Variants in TSGA10 observed in about 807,000 individuals in gnomAD.
The protein encoded by TSGA10 is testis specific 10, also known as testis-specific gene 10 protein.
Under a neutral mutation model 96.6 loss-of-function variants are expected in TSGA10, and 43 were observed. The ratio of observed to expected loss-of-function variants is 0.44; its 90% CI spans 0.35 to 0.57. The LOEUF is 0.57. Among genes scored for constraint, TSGA10 ranks in the 20% least tolerant of loss-of-function variants. The pLI is 0.01. For missense variants in TSGA10, 703 were observed against 834.4 expected, an observed-to-expected ratio of 0.84 and a Z score of 1.94; for synonymous variants, 229 against 269.9, an observed-to-expected ratio of 0.85 and a Z score of 1.48.
At chr2:99,042,891 G>A (rs908765170) in intron 16 of TSGA10, among the ~76,000 whole-genome samples, 16 of 151,874 alleles carry the variant, frequency 1.1e-4, no homozygotes, top group African/African-American at 3.6e-4. Flanking sequence ...TAGATACAGG[G>A]TTTCACCATG....
intron 20 of TSGA10, among the ~76,000 whole-genome samples, chr2:99,002,104 G>A (rs1376600944): frequency 6.6e-6 from 1 of 152,186 alleles, no homozygotes; most frequent in Non-Finnish European, 1.5e-5. Context: ...TAGCAAGGCA[G>A]GCCGACATTC....
chr2:99,055,181 A>G (rs1301714370), intron 16 of TSGA10, among the ~76,000 whole-genome samples: 2 of 152,198 alleles, frequency 1.3e-5, no homozygotes, highest in Non-Finnish European at 2.9e-5. Context: ...TCAGCCTTAA[A>G]AACAAAGAAA....
intron 17 of TSGA10, among the ~76,000 whole-genome samples, chr2:99,033,340 T>C (rs75070294): frequency 0.045 from 6,783 of 152,232 alleles, 319 homozygotes; most frequent in East Asian, 0.21. Flanking sequence ...TATACAGAAG[T>C]GAGATGACTT....
intron 17 of TSGA10, among the ~76,000 whole-genome samples, chr2:99,023,906 T>G (rs1372205017): frequency 6.6e-6 from 1 of 152,206 alleles, no homozygotes; most frequent in African/African-American, 2.4e-5. Flanking sequence ...TTAGATCAGT[T>G]TGACAATTTC....
intron 1 of TSGA10, among the ~76,000 whole-genome samples, chr2:99,132,290 C>T (rs2093129114): frequency 6.6e-6 from 1 of 151,834 alleles, no homozygotes; most frequent in Non-Finnish European, 1.5e-5. Context: ...TTAATTACTG[C>T]CTCAATTTCA....
chr2:99,019,098 A>G (rs781034902), intron 18 of TSGA10, among the ~76,000 whole-genome samples: 1 of 152,178 alleles, frequency 6.6e-6, no homozygotes, highest in African/African-American at 2.4e-5. Context: ...ACAATCTTCA[A>G]TTTAATAGAA....
intron 13 of TSGA10, 73 bp from the exon 14 acceptor site, chr2:99,071,947 G>A (rs2086024886): frequency 1.5e-6 from 2 of 1,333,748 alleles, no homozygotes; most frequent in South Asian, 2.8e-5. Context: ...TCACAAGACA[G>A]AAGATGGACA....
intron 11 of TSGA10, among the ~76,000 whole-genome samples, chr2:99,079,087 CTT>C (rs1424452257): frequency 6.6e-6 from 1 of 152,058 alleles, no homozygotes; most frequent in Non-Finnish European, 1.5e-5. Context: ...TCAAAGTAGA[CTT>C]AATGTATGAT....
intron 10 of TSGA10, among the ~76,000 whole-genome samples, chr2:99,090,128 T>C (rs757763035): frequency 7.9e-5 from 12 of 152,152 alleles, no homozygotes; most frequent in Non-Finnish European, 1.2e-4. Context: ...CAGAACCTGG[T>C]AGACCCACTA....
chr2:99,003,033 AT>A (rs1208997676), intron 20 of TSGA10, among the ~76,000 whole-genome samples: 1 of 151,984 alleles, frequency 6.6e-6, no homozygotes, highest in African/African-American at 2.4e-5. Flanking sequence ...TAATTTTTGT[AT>A]TTTTAGTAGA....
rs571679072 is a variant in TSGA10, at chr2:99,067,660, C to G, written c.1218+1228G>C. On this transcript the variant is annotated intron_variant, in intron 15 of 20. Transcript: ENST00000393483. ...TTCAGGTCAGAAGTTCGAGACCAGACTGGCTAACATGGCGAAACCCCGTCT... is the reference window on the plus strand; with the variant it reads ...TTCAGGTCAGAAGTTCGAGACCAGAGTGGCTAACATGGCGAAACCCCGTCT... Among the ~76,000 whole-genome samples the G allele has an allele frequency of 3.3e-5, 5 of 152,216 alleles. No homozygotes were observed. The East Asian group carries it at 9.7e-4, about 29-fold the overall frequency.
At position 99,035,455 on chromosome 2, in the gene TSGA10, T is replaced by C; in HGVS notation, c.1405-16A>G. ...CATTTAAGTGCTGTAAGAATAAAATTATATATATGTATGTATACATATATA... is the reference window on the plus strand; with the variant it reads ...CATTTAAGTGCTGTAAGAATAAAATCATATATATGTATGTATACATATATA... On this transcript the variant is annotated splice_polypyrimidine_tract_variant and intron_variant, in intron 16 of 20. Coordinates refer to ENST00000393483, the MANE Select transcript of TSGA10 (RefSeq NM_025244.4). 1 of 1,529,402 alleles carries C rather than the reference T, an allele frequency of 6.5e-7. No individual in the cohort carries two copies. The highest frequency in any genetic ancestry group is 9.0e-7 in the Non-Finnish European group (1 of 1,115,116). 94.7% of individuals were successfully genotyped at this position (1,529,402 alleles called of 1,614,324 possible).
Position 99,079,884 on chromosome 2 carries a change from C to T in TSGA10, c.728-1071G>A, listed in dbSNP as rs139448247. Among the ~76,000 whole-genome samples, 783 of 152,290 alleles carry T rather than the reference C, an allele frequency of 5.1e-3. 5 individuals are homozygous for T. Among genetic ancestry groups the T allele is most frequent in the Non-Finnish European group, 8.0e-3 (544 of 68,012 alleles). ...ATACCATATTGTCATATGCCAAAAGCTTGATCTATATAGTACTGGAGAATA... is the reference window on the plus strand; with the variant it reads ...ATACCATATTGTCATATGCCAAAAGTTTGATCTATATAGTACTGGAGAATA... On this transcript the variant is annotated intron_variant, in intron 11 of 20. Transcript: ENST00000393483.
chr2:99,071,942 AGAC>A, intron 13 of TSGA10, 68 bp from the exon 14 acceptor site: 1 of 1,400,324 alleles, frequency 7.1e-7, no homozygotes, highest in South Asian at 1.3e-5. Context: ...AATTCTCACA[AGAC>A]AGAAGATGGA....
chr2:99,098,720 A>G (rs1425911439), intron 10 of TSGA10, among the ~76,000 whole-genome samples: 2 of 152,086 alleles, frequency 1.3e-5, no homozygotes, highest in African/African-American at 4.8e-5. Flanking sequence ...TGTACATTCA[A>G]ATGTCCACAG....
At chr2:99,003,064 G>T (rs2078087677) in intron 20 of TSGA10, among the ~76,000 whole-genome samples, 1 of 152,018 alleles carries the variant, frequency 6.6e-6, no homozygotes, top group Non-Finnish European at 1.5e-5. Flanking sequence ...TCACCATCTT[G>T]GCCAGGCTGG....
At chr2:99,109,118 A>G (rs932211663) in intron 6 of TSGA10, 127 bp from the exon 7 acceptor site, 11 of 842,568 alleles carry the variant, frequency 1.3e-5, no homozygotes, top group South Asian at 2.3e-5. Flanking sequence ...ATTATAAAAA[A>G]TAAGTTTAAA....
Position 99,141,771 on chromosome 2 carries a change from A to G in TSGA10, c.-621+12922T>C, listed in dbSNP as rs377409870. Reference sequence around the variant, plus strand: ...TGCTTCGCGGCGGTGGCTTTGTGCCACTTTTCCCAGGGCTTGGGCATCATT... The same window carrying G: ...TGCTTCGCGGCGGTGGCTTTGTGCCGCTTTTCCCAGGGCTTGGGCATCATT... On this transcript the variant is annotated intron_variant, in intron 1 of 20. Transcript: ENST00000393483. 1.2e-4 allele frequency: 19 copies of G among 152,874 alleles called. No individual in the cohort carries two copies. The East Asian group carries it at 3.1e-3, about 25-fold the overall frequency. The allele number at this position is 152,874 out of a possible 1,614,324, so 9.5% of individuals were successfully genotyped here. A position where few individuals can be genotyped will look rare whatever the true frequency, so the allele number is the denominator to read the frequency against.
intron 1 of TSGA10, chr2:99,148,203 T>C (rs2093651804): frequency 6.6e-6 from 1 of 152,222 alleles, no homozygotes; most frequent in Non-Finnish European, 1.5e-5. Flanking sequence ...TTTCCTCATG[T>C]TTAGATTCAA....
Sources: allele counts gnomAD v4.1 joint callset (sites outside exome capture counted in the v4.1 genomes callset), GRCh38; gene constraint gnomAD v4.1.1; transcripts MANE v1.5; gene names NCBI Gene and HGNC (gene_info 2026-07-23, HGNC 2026-07-21).